The following AP3B2 variants were observed in gnomAD, a reference collection of about 807,000 sequenced individuals.
AP3B2 encodes the protein AP-3 complex subunit beta-2.
AP3B2 carries 50 observed loss-of-function variants against 126.9 expected under a neutral mutation model. The observed-to-expected ratio is 0.39, with a 90% CI of 0.31 to 0.50. The LOEUF is 0.50. Among genes scored for constraint, AP3B2 ranks in the 20% least tolerant of loss-of-function variants. The pLI, the probability that AP3B2 is intolerant of heterozygous loss-of-function variation, is 0.79. For missense variants in AP3B2, 1,177 were observed against 1,426.4 expected, an observed-to-expected ratio of 0.83 and a Z score of 2.82; for synonymous variants, 541 against 565.0, an observed-to-expected ratio of 0.96 and a Z score of 0.60.
chr15:82,662,146 C>G, intron 24 of AP3B2, 22 bp downstream of exon 24: 1 of 1,578,600 alleles, frequency 6.3e-7, no homozygotes, highest in Non-Finnish European at 8.6e-7. Flanking sequence ...CCTCTCACCC[C>G]CACCTCGAGT....
intron 14 of AP3B2, among the ~76,000 whole-genome samples, chr15:82,671,770 G>A (rs1345386026): frequency 1.4e-5 from 2 of 147,322 alleles, no homozygotes; most frequent in African/African-American, 5.1e-5. Context: ...TAGGCCAGGT[G>A]CAGTGGCTCA....
chr15:82,689,014 T>C, intron 3 of AP3B2, 144 bp downstream of exon 3: 4 of 1,060,414 alleles, frequency 3.8e-6, no homozygotes, highest in South Asian at 1.4e-5. Context: ...TTCAGGGACA[T>C]GGAGACAGTG....
intron 3 of AP3B2, 60 bp from the exon 4 acceptor site, chr15:82,688,891 C>T: frequency 6.8e-7 from 1 of 1,475,622 alleles, no homozygotes. Flanking sequence ...GCCCACCCCC[C>T]TACCCCTGGG....
At chr15:82,662,986 T>A in intron 22 of AP3B2, 64 bp from the exon 23 acceptor site, 1 of 1,552,156 alleles carries the variant, frequency 6.4e-7, no homozygotes, top group Non-Finnish European at 8.7e-7. Flanking sequence ...CCCAGCATTG[T>A]CCCCTAGGGC....
intron 4 of AP3B2, among the ~76,000 whole-genome samples, chr15:82,682,924 CAAAAAA>C (rs35153505): frequency 1.5e-5 from 2 of 134,274 alleles, no homozygotes; most frequent in African/African-American, 2.9e-5. Context: ...CCAGTCTCTA[CAAAAAA>C]AAAAAAAATT....
At chr15:82,675,384 C>T (rs999378603) in intron 14 of AP3B2, among the ~76,000 whole-genome samples, 1 of 152,212 alleles carries the variant, frequency 6.6e-6, no homozygotes, top group Non-Finnish European at 1.5e-5. Context: ...GCCTACCTCA[C>T]CTTGAGCCTC....
chr15:82,688,908 T>C (rs2048477129), intron 3 of AP3B2, 77 bp from the exon 4 acceptor site: 1 of 1,358,998 alleles, frequency 7.4e-7, no homozygotes, highest in Non-Finnish European at 1.0e-6. Context: ...TGGGATGTCA[T>C]CTCCCCAGCC....
At chr15:82,662,040 C>G in intron 24 of AP3B2, 118 bp from the exon 25 acceptor site, 1 of 1,302,236 alleles carries the variant, frequency 7.7e-7, no homozygotes, top group South Asian at 1.3e-5. Flanking sequence ...GAATGAGGGC[C>G]TGAGATGGCT....
At chr15:82,708,373 G>C (rs2048829248) in intron 1 of AP3B2, among the ~76,000 whole-genome samples, 1 of 151,816 alleles carries the variant, frequency 6.6e-6, no homozygotes. Context: ...AAGCCTGTTT[G>C]GTGGTCTCTT....
intron 14 of AP3B2, 37 bp from the exon 15 acceptor site, chr15:82,666,970 G>A (rs764544371): frequency 2.1e-5 from 33 of 1,584,956 alleles, no homozygotes; most frequent in African/African-American, 1.3e-5. Context: ...GCTGACGGGG[G>A]GATGGGGACA....
At position 82,664,953 on chromosome 15, in the gene AP3B2, G is replaced by A; in HGVS notation, c.2029-10C>T. The A allele has an allele frequency of 6.3e-7, 1 of 1,584,172 alleles. No individual in the cohort carries two copies. Among genetic ancestry groups the A allele is most frequent in the Non-Finnish European group, 8.6e-7 (1 of 1,159,062 alleles). ...TGGTCCATTCAGGTACCTGGAGATG[G>A]GGGTAGGGTGCAGGGTCATTTCATC... On this transcript the variant is annotated splice_polypyrimidine_tract_variant and intron_variant, in intron 17 of 26. Transcript: ENST00000535359. This position sits in a 1 kb window ranked among gnomAD's most constrained non-coding sequence, Gnocchi z 4.5.
chr15:82,707,753 C>G (rs898807492), intron 1 of AP3B2, among the ~76,000 whole-genome samples: 1 of 152,122 alleles, frequency 6.6e-6, no homozygotes, highest in Non-Finnish European at 1.5e-5. Context: ...TTTTTCAATT[C>G]ATACAAAACC....
chr15:82,665,271 C>A lies in AP3B2; in HGVS notation c.2004G>T (p.Val668=). ...EEDLSLIETH[V]GLLGEYTEVP... is the part of the protein sequence containing the mutation. ...CCTCAGTGTATTCGCCCAACAGGCCCACGTGAGTCTCAATAAGGGAGAGAT... is the reference window on the plus strand; with the variant it reads ...CCTCAGTGTATTCGCCCAACAGGCCAACGTGAGTCTCAATAAGGGAGAGAT... Residue 668 remains valine (V), a synonymous_variant, in exon 17 of 27, where the codon GTG becomes GTT. Coordinates refer to ENST00000535359, the MANE Select transcript of AP3B2 (RefSeq NM_001278512.2). This position sits in a 1 kb window ranked among gnomAD's most constrained non-coding sequence, Gnocchi z 4.4. 3 of 1,543,324 alleles carry A rather than the reference C, an allele frequency of 1.9e-6. No individual in the cohort carries two copies. Among genetic ancestry groups the A allele is most frequent in the Non-Finnish European group, 2.6e-6 (3 of 1,150,940 alleles).
intron 10 of AP3B2, among the ~76,000 whole-genome samples, chr15:82,678,877 T>C (rs1322901198): frequency 6.6e-6 from 1 of 152,194 alleles, no homozygotes; most frequent in Non-Finnish European, 1.5e-5. Flanking sequence ...CCCTAGAACA[T>C]AGTGGATGTT....
rs185022624 is a variant in AP3B2 at position 82,695,319 on chromosome 15, G to A, written c.114-5866C>T. Among the ~76,000 whole-genome samples, 247 of 152,018 alleles carry A rather than the reference G, an allele frequency of 1.6e-3. 1 individual carries two copies. Among genetic ancestry groups the A allele is most frequent in the African/African-American group, 5.8e-3 (242 of 41,448 alleles). Reference sequence around the variant, plus strand: ...TCATCATGTTGGTCAGGCTGGTCTCGAACTCCTGACCTCAAGTGATCCACC... The same window carrying A: ...TCATCATGTTGGTCAGGCTGGTCTCAAACTCCTGACCTCAAGTGATCCACC... On this transcript the variant is annotated intron_variant, in intron 1 of 26. Transcript: ENST00000535359.
chr15:82,666,546 G>A (rs2048061775), intron 15 of AP3B2, among the ~76,000 whole-genome samples: 1 of 152,196 alleles, frequency 6.6e-6, no homozygotes, highest in African/African-American at 2.4e-5. Context: ...ACCCTCAGGT[G>A]AGATGATGCT....
chr15:82,661,108 C>G (rs767540127), intron 25 of AP3B2, among the ~76,000 whole-genome samples: 2 of 152,194 alleles, frequency 1.3e-5, no homozygotes, highest in Non-Finnish European at 2.9e-5. Flanking sequence ...CCCTCCCCTC[C>G]TCTTTCTTCT....
rs1220053162 is a variant in AP3B2, at chr15:82,665,857, G to A, written c.1853-282C>T. Among the ~76,000 whole-genome samples, 2 of 152,176 alleles carry A rather than the reference G, an allele frequency of 1.3e-5. No individual in the cohort carries two copies. Among genetic ancestry groups the A allele is most frequent in the African/African-American group, 4.8e-5 (2 of 41,442 alleles). ...AGACTCTGGGCCCACAGATGCTGCC[G>A]ACCTGTCTGCTCAGCATGCACGTCT... On this transcript the variant is annotated intron_variant, in intron 15 of 26. Coordinates refer to ENST00000535359, the MANE Select transcript of AP3B2 (RefSeq NM_001278512.2). This position sits in a 1 kb window ranked among gnomAD's most constrained non-coding sequence, Gnocchi z 4.4.
chr15:82,689,423 G>C lies in AP3B2; in HGVS notation c.144C>G (p.Thr48=). ...CCTCCAGCTTGAGAGAATCCTTGTT[G>C]GTGTCCAGCATCTCCTTCAGGTCAT... The part of the protein sequence containing the change: ...RHDDLKEMLD[T]NKDSLKLEAM... Residue 48 remains threonine, a synonymous_variant, in exon 2 of 27, where the codon ACC becomes ACG. Coordinates refer to ENST00000535359, the MANE Select transcript of AP3B2 (RefSeq NM_001278512.2). 1 of 1,613,820 alleles carries C rather than the reference G, an allele frequency of 6.2e-7. No homozygotes were observed. The highest frequency in any genetic ancestry group is 8.5e-7 in the Non-Finnish European group (1 of 1,179,858).
Sources: allele counts gnomAD v4.1 joint callset (sites outside exome capture counted in the v4.1 genomes callset), GRCh38; gene constraint gnomAD v4.1.1; non-coding constraint Gnocchi (gnomAD v3.1); transcripts MANE v1.5; gene names NCBI Gene and HGNC (gene_info 2026-07-23, HGNC 2026-07-21).